Variants in THSD4 observed in about 807,000 individuals in gnomAD.
THSD4 encodes thrombospondin type-1 domain-containing protein 4.
Under a neutral mutation model 119.0 loss-of-function variants are expected in THSD4, and 69 were observed. The observed-to-expected ratio is 0.58, with a 90% CI of 0.48 to 0.71. THSD4 has a LOEUF of 0.71. Among genes scored for constraint, THSD4 ranks in the 30% least tolerant of loss-of-function variants. THSD4 has a pLI of 0.00. For missense variants in THSD4, 1,393 were observed against 1,391.1 expected (o/e 1.00, Z -0.02); for synonymous variants, 524 against 540.4 (o/e 0.97, Z 0.42).
intron 6 of THSD4, among the ~76,000 whole-genome samples, chr15:71,370,963 C>T (rs2046038432): frequency 1.3e-5 from 2 of 152,164 alleles, no homozygotes; most frequent in African/African-American, 4.8e-5. Context: ...CTGGTTGCTC[C>T]TGTATTGGGT....
intron 7 of THSD4, among the ~76,000 whole-genome samples, chr15:71,571,860 A>G (rs1343382901): frequency 6.6e-6 from 1 of 152,230 alleles, no homozygotes; most frequent in Non-Finnish European, 1.5e-5. Flanking sequence ...GGGGTTGGCC[A>G]CAAACAGCTT....
intron 3 of THSD4, among the ~76,000 whole-genome samples, chr15:71,171,332 A>G (rs1165355561): frequency 6.6e-6 from 1 of 152,210 alleles, no homozygotes; most frequent in Non-Finnish European, 1.5e-5. Flanking sequence ...GTTAAGAATG[A>G]CAGTAGATTC....
chr15:71,276,451 C>G (rs2044591439), intron 6 of THSD4, among the ~76,000 whole-genome samples: 2 of 152,284 alleles, frequency 1.3e-5, no homozygotes, highest in Admixed American at 1.3e-4. Context: ...ACGCGCAGGT[C>G]TCCTCACCTG....
At chr15:71,697,365 T>C (rs2052185698) in intron 8 of THSD4, among the ~76,000 whole-genome samples, 1 of 152,216 alleles carries the variant, frequency 6.6e-6, no homozygotes, top group Non-Finnish European at 1.5e-5. Context: ...GGGGTGGGAC[T>C]TGCTGGGACA....
intron 4 of THSD4, among the ~76,000 whole-genome samples, chr15:71,222,823 TAGA>T (rs2043985603): frequency 6.6e-6 from 1 of 152,136 alleles, no homozygotes; most frequent in Admixed American, 6.5e-5. Context: ...TATTAGAATC[TAGA>T]AGAACAGGAG....
At chr15:71,668,440 C>T (rs922715306) in intron 8 of THSD4, among the ~76,000 whole-genome samples, 2 of 152,014 alleles carry the variant, frequency 1.3e-5, no homozygotes, top group African/African-American at 4.8e-5. Flanking sequence ...CCAAGAGGCT[C>T]TGAGCCTGGA....
chr15:71,726,664 G>T (rs1360396636), intron 8 of THSD4, among the ~76,000 whole-genome samples: 5 of 152,166 alleles, frequency 3.3e-5, no homozygotes, highest in Admixed American at 3.3e-4. Context: ...TCGGCTGGGC[G>T]CAGTGGCTCA....
chr15:71,408,853 C>T (rs1234914744), intron 6 of THSD4, among the ~76,000 whole-genome samples: 4 of 151,992 alleles, frequency 2.6e-5, no homozygotes, highest in African/African-American at 9.7e-5. Flanking sequence ...CCCTATCTCA[C>T]ACAGACACAA....
chr15:71,141,583 A>T, intron 2 of THSD4, 27 bp downstream of exon 2: 1 of 1,598,796 alleles, frequency 6.3e-7, no homozygotes, highest in East Asian at 2.2e-5. Flanking sequence ...TTTTTAAAAA[A>T]ACAGGAGAAT....
intron 7 of THSD4, among the ~76,000 whole-genome samples, chr15:71,431,240 T>C (rs2046939792): frequency 6.6e-6 from 1 of 152,224 alleles, no homozygotes; most frequent in Non-Finnish European, 1.5e-5. Flanking sequence ...AATCAGTTGA[T>C]GCCCATGTAA....
At chr15:71,715,024 A>C (rs927021944) in intron 8 of THSD4, among the ~76,000 whole-genome samples, 2 of 152,208 alleles carry the variant, frequency 1.3e-5, no homozygotes. Flanking sequence ...CTCCAGAGAC[A>C]TAAGTGGGTC....
At chr15:71,724,142 C>T (rs1019334817) in intron 8 of THSD4, among the ~76,000 whole-genome samples, 14 of 148,092 alleles carry the variant, frequency 9.5e-5, no homozygotes, top group Non-Finnish European at 1.3e-4. Context: ...GGGACAGCAC[C>T]GTGGAGGGAA....
In THSD4 at chr15:71,646,816, G is replaced by T. The variant is rs532349145; in HGVS notation, c.1153-13714G>T. On this transcript the variant is annotated intron_variant, in intron 7 of 17. Transcript: ENST00000261862. ...CTCAGTTGTCCACACCTGGGTTAAG[G>T]CTTATTCTTGAGCGGCTGCAGCCCT... Among the ~76,000 whole-genome samples the T allele has an allele frequency of 6.0e-4, 91 of 152,278 alleles. 1 individual carries two copies. Among genetic ancestry groups the T allele is most frequent in the East Asian group, 7.7e-4 (4 of 5,186 alleles).
chr15:71,661,422 A>ATC (rs1447510677), intron 8 of THSD4, among the ~76,000 whole-genome samples: 4 of 151,618 alleles, frequency 2.6e-5, no homozygotes, highest in African/African-American at 9.7e-5. Context: ...TTGAGACAGA[A>ATC]TCTTGCCCTG....
chr15:71,325,204 C>A (rs1197600513), intron 6 of THSD4, among the ~76,000 whole-genome samples: 1 of 152,174 alleles, frequency 6.6e-6, no homozygotes, highest in East Asian at 1.9e-4. Context: ...TTTGACTTGT[C>A]ATGCCCAATG....
chr15:71,737,697 T>G, intron 10 of THSD4, 35 bp from the exon 11 acceptor site: 1 of 1,561,532 alleles, frequency 6.4e-7, no homozygotes, highest in Non-Finnish European at 8.7e-7. Context: ...TCTAAACTGA[T>G]CCTGATTCTG....
chr15:71,466,900 A>G (rs574704308), intron 7 of THSD4, among the ~76,000 whole-genome samples: 1 of 152,330 alleles, frequency 6.6e-6, no homozygotes, highest in East Asian at 1.9e-4. Flanking sequence ...CAAATGCCTC[A>G]AGGGCCTCTG....
At chr15:71,467,243 A>G (rs768331941) in intron 7 of THSD4, among the ~76,000 whole-genome samples, 5 of 152,202 alleles carry the variant, frequency 3.3e-5, no homozygotes, top group Non-Finnish European at 7.3e-5. Flanking sequence ...AGAGGTGTGG[A>G]AGGAGGAATA....
intron 1 of THSD4, among the ~76,000 whole-genome samples, chr15:71,100,718 G>T (rs1386515022): frequency 6.6e-6 from 1 of 152,128 alleles, no homozygotes; most frequent in African/African-American, 2.4e-5. Flanking sequence ...AGTGGCTCAT[G>T]ACTGTAATTC....
Sources: gnomAD v4.1 joint callset for allele counts (sites outside exome capture counted in the v4.1 genomes callset) on GRCh38, gnomAD v4.1.1 for gene constraint, MANE v1.5 for transcripts, NCBI Gene and HGNC (gene_info 2026-07-23, HGNC 2026-07-21) for gene names.